NCOR1: variants seen among roughly 807,000 people sequenced by gnomAD.
NCOR1 encodes nuclear receptor corepressor 1.
Under a neutral mutation model 288.1 loss-of-function variants are expected in NCOR1, and 63 were observed. That is an observed-to-expected ratio of 0.22 (90% CI 0.18 to 0.27). NCOR1 has a LOEUF of 0.27. NCOR1 is among the 10% of genes least tolerant of loss of function. The pLI is 1.00. For synonymous variants in NCOR1, 1,007 were observed against 1,065.9 expected (o/e 0.94, Z 1.08); for missense variants, 2,397 against 3,019.2 (o/e 0.79, Z 4.83).
intron 42 of NCOR1, among the ~76,000 whole-genome samples, chr17:16,045,682 T>TTTTAG (rs1386896605): frequency 4.7e-4 from 71 of 152,148 alleles, no homozygotes; most frequent in African/African-American, 1.7e-3. Context: ...CTGTTTATAT[T>TTTTAG]TTTAGTAGAG....
In NCOR1 at chr17:16,137,436, T is replaced by A. The variant is rs181410935; in HGVS notation, c.1408-24A>T. ...CTCTGTAAGAAATAAAACAATTATTTTTGAGGATCCAATGAAATAAAGAAA... is the reference window on the plus strand; with the variant it reads ...CTCTGTAAGAAATAAAACAATTATTATTGAGGATCCAATGAAATAAAGAAA... On this transcript the variant is annotated intron_variant, in intron 13 of 45. Coordinates refer to ENST00000268712, the MANE Select transcript of NCOR1 (RefSeq NM_006311.4). 35 of 1,299,074 alleles carry A rather than the reference T, an allele frequency of 2.7e-5. No homozygotes were observed. The African/African-American group carries it at 4.7e-4, about 17-fold the overall frequency. The allele number at this position is 1,299,074 out of a possible 1,614,324, so 80.5% of individuals were successfully genotyped here.
chr17:16,126,303 ATTGT>A, intron 14 of NCOR1, 97 bp from the exon 15 acceptor site: 1 of 1,224,946 alleles, frequency 8.2e-7, no homozygotes, highest in South Asian at 2.0e-5. Context: ...ATTTTAAATG[ATTGT>A]TAGTCATTTA....
chr17:16,050,872 C>T (rs2059230897), intron 40 of NCOR1, among the ~76,000 whole-genome samples: 1 of 152,172 alleles, frequency 6.6e-6, no homozygotes, highest in South Asian at 2.1e-4. Flanking sequence ...CTCCCTCTGT[C>T]ACCCAGGCTA....
At chr17:16,057,370 AG>A (rs1597977409) in intron 40 of NCOR1, 143 bp downstream of exon 40, 1 of 735,348 alleles carries the variant, frequency 1.4e-6, no homozygotes, top group East Asian at 2.7e-5. Context: ...AATAATATGC[AG>A]GGGGAAGAAA....
At chr17:16,148,005 C>T (rs1024716071) in intron 9 of NCOR1, among the ~76,000 whole-genome samples, 14 of 152,296 alleles carry the variant, frequency 9.2e-5, no homozygotes, top group African/African-American at 3.4e-4. Flanking sequence ...TTAGCAGAGA[C>T]GGAGTTTCTC....
intron 35 of NCOR1, among the ~76,000 whole-genome samples, chr17:16,063,034 G>T (rs1261487466): frequency 1.3e-5 from 2 of 151,978 alleles, no homozygotes; most frequent in Admixed American, 1.3e-4. Flanking sequence ...ACCTTCTAAC[G>T]TGCTCACTGG....
chr17:16,145,461 C>T (rs1192958450), intron 10 of NCOR1, among the ~76,000 whole-genome samples: 2 of 129,114 alleles, frequency 1.5e-5, no homozygotes, highest in Non-Finnish European at 3.7e-5. Context: ...GGGAGTGCCT[C>T]GGCCCCACCG....
At chr17:16,098,579 G>GT in intron 20 of NCOR1, 83 bp from the exon 21 acceptor site, 1 of 1,237,742 alleles carries the variant, frequency 8.1e-7, no homozygotes, top group Non-Finnish European at 1.1e-6. Flanking sequence ...TTCTAAGTTA[G>GT]TATGTACATA....
intron 5 of NCOR1, 56 bp from the exon 6 acceptor site, chr17:16,158,929 G>C: frequency 1.6e-6 from 2 of 1,215,794 alleles, no homozygotes; most frequent in Non-Finnish European, 2.4e-6. Context: ...ACCCAGCAGT[G>C]ATTAACCACT....
chr17:16,047,250 A>T (rs1015522806), intron 41 of NCOR1, among the ~76,000 whole-genome samples, 157 bp from the exon 42 acceptor site: 1 of 152,214 alleles, frequency 6.6e-6, no homozygotes, highest in Non-Finnish European at 1.5e-5. Flanking sequence ...GTAATCATAA[A>T]CCACTTAGTA....
chr17:16,182,938 C>T (rs960505483), intron 3 of NCOR1, among the ~76,000 whole-genome samples: 1 of 151,982 alleles, frequency 6.6e-6, no homozygotes, highest in African/African-American at 2.4e-5. Flanking sequence ...AAACAAAACA[C>T]GTCATCTTAA....
intron 4 of NCOR1, among the ~76,000 whole-genome samples, chr17:16,166,944 C>T (rs77031368): frequency 0.078 from 11,801 of 152,168 alleles, 676 homozygotes; most frequent in African/African-American, 0.17. Flanking sequence ...TGAAGCCTTT[C>T]TCTTTCATTA....
At chr17:16,141,421 G>T (rs559587265) in intron 11 of NCOR1, among the ~76,000 whole-genome samples, 12 of 152,108 alleles carry the variant, frequency 7.9e-5, no homozygotes, top group Non-Finnish European at 1.5e-4. Flanking sequence ...GAAGTAAAAT[G>T]GTTTAAGGAA....
At chr17:16,057,791 AAAATAGTAT>A (rs1057375845) in intron 39 of NCOR1, 54 bp from the exon 40 acceptor site, 1 of 1,537,432 alleles carries the variant, frequency 6.5e-7, no homozygotes, top group African/African-American at 1.4e-5. Context: ...TTGCAAAAAA[AAAATAGTAT>A]TAAGAAATCT....
At chr17:16,120,118 A>G (rs889847151) in intron 16 of NCOR1, among the ~76,000 whole-genome samples, 2 of 152,166 alleles carry the variant, frequency 1.3e-5, no homozygotes, top group Non-Finnish European at 2.9e-5. Context: ...TTAGACTGAT[A>G]GACTAATTTT....
chr17:16,117,726 G>A (rs1015086349), intron 18 of NCOR1, among the ~76,000 whole-genome samples, 162 bp downstream of exon 18: 1 of 152,144 alleles, frequency 6.6e-6, no homozygotes, highest in Non-Finnish European at 1.5e-5. Context: ...GGGAGGCTGA[G>A]GCAGGAAATT....
At position 16,146,316 on chromosome 17, in the gene NCOR1, A is replaced by G. The variant is rs545978880; in HGVS notation, c.1082+60T>C. 2.0e-6 allele frequency: 3 copies of G among 1,496,982 alleles called. No homozygotes were observed. The East Asian group carries it at 6.9e-5, about 34-fold the overall frequency. 92.7% of individuals were successfully genotyped at this position (1,496,982 alleles called of 1,614,324 possible). A position where few individuals can be genotyped will look rare whatever the true frequency, so the allele number is the denominator to read the frequency against. Reference sequence around the variant, plus strand: ...ATACATACTAAAAAAATTTTTAAAAAAAAGAAACAATAAATATTTGAAGAA... The same window carrying G: ...ATACATACTAAAAAAATTTTTAAAAGAAAGAAACAATAAATATTTGAAGAA... On this transcript the variant is annotated intron_variant, in intron 10 of 45. Transcript: ENST00000268712.
chr17:16,206,197 C>A (rs1480129821), intron 1 of NCOR1, among the ~76,000 whole-genome samples: 2 of 151,960 alleles, frequency 1.3e-5, no homozygotes, highest in African/African-American at 2.4e-5. Context: ...TTATTCACAT[C>A]TTTTGATTCA....
chr17:16,196,077 A>G (rs1485218627), intron 1 of NCOR1, among the ~76,000 whole-genome samples: 1 of 150,424 alleles, frequency 6.6e-6, no homozygotes, highest in African/African-American at 2.4e-5. Context: ...TTCTATTATT[A>G]CCTAATTGGG....
Sources: gnomAD v4.1 joint callset for allele counts (sites outside exome capture counted in the v4.1 genomes callset) on GRCh38, gnomAD v4.1.1 for gene constraint, MANE v1.5 for transcripts, NCBI Gene and HGNC (gene_info 2026-07-23, HGNC 2026-07-21) for gene names.